The following EFCAB11 variants were observed in gnomAD, a reference collection of about 807,000 sequenced individuals.
EFCAB11 encodes the protein EF-hand calcium binding domain 11.
A neutral mutation model predicts 23.0 loss-of-function variants in EFCAB11; 14 were observed. The observed-to-expected ratio is 0.61, with a 90% CI of 0.40 to 0.95. The LOEUF (loss-of-function observed/expected upper bound fraction) is 0.95. Among genes scored for constraint, EFCAB11 ranks in the 40% least tolerant of loss-of-function variants. The probability of loss-of-function intolerance (pLI) is 0.00; values close to 1 mark genes in which losing one functional copy is unlikely to be tolerated. For missense variants in EFCAB11, 198 were observed against 195.8 expected (o/e 1.01, Z -0.07); for synonymous variants, 65 against 66.6 (o/e 0.98, Z 0.11).
At chr14:89,804,956 A>G (rs978192409) in intron 5 of EFCAB11, among the ~76,000 whole-genome samples, 1 of 152,182 alleles carries the variant, frequency 6.6e-6, no homozygotes, top group Non-Finnish European at 1.5e-5. Flanking sequence ...CAGAGTGAGG[A>G]CAAGGTATCC....
At chr14:89,919,738 G>A (rs1889965073) in intron 5 of EFCAB11, among the ~76,000 whole-genome samples, 1 of 152,174 alleles carries the variant, frequency 6.6e-6, no homozygotes, top group Non-Finnish European at 1.5e-5. Context: ...TACCAAAGGA[G>A]CCATCATCAG....
At chr14:89,893,486 G>A (rs1005158322) in intron 5 of EFCAB11, among the ~76,000 whole-genome samples, 16 of 152,012 alleles carry the variant, frequency 1.1e-4, no homozygotes, top group Non-Finnish European at 1.9e-4. Flanking sequence ...CTGAAGTGCC[G>A]CTGGATGATG....
At chr14:89,816,118 C>T (rs935451408) in intron 5 of EFCAB11, among the ~76,000 whole-genome samples, 2 of 151,944 alleles carry the variant, frequency 1.3e-5, no homozygotes, top group Non-Finnish European at 2.9e-5. Context: ...TACATTTCTT[C>T]CTAGGTATTT....
rs151037106 is a variant in EFCAB11, at chr14:89,898,988, A to T, written c.410+32553T>A. 4.4e-3 allele frequency among the ~76,000 whole-genome samples: 672 copies of T among 152,222 alleles called. 7 individuals are homozygous for T. Among genetic ancestry groups the T allele is most frequent in the Middle Eastern group, 0.031 (9 of 294 alleles). ...CATGCTTGGCCTGCAATTTTCTTTT[A>T]TAAGTATCATCATATGCAATTTAGT... On this transcript the variant is annotated intron_variant, in intron 5 of 5. Transcript: ENST00000316738.
At chr14:89,821,729 A>G (rs902348286) in intron 5 of EFCAB11, among the ~76,000 whole-genome samples, 7 of 152,154 alleles carry the variant, frequency 4.6e-5, no homozygotes, top group East Asian at 3.9e-4. Context: ...GGAAACTTGA[A>G]AACAGAGAAC....
In EFCAB11 at chr14:89,827,434, C is replaced by T. The variant is rs370503437; in HGVS notation, c.411-30110G>A. ...CACTCGCCTCTCCCTTCTCTGGCCG[C>T]CCGGTAGCCTCTGTATCTCCGGAGG... On this transcript the variant is annotated intron_variant, in intron 5 of 5. Transcript: ENST00000316738. 6.6e-5 allele frequency among the ~76,000 whole-genome samples: 10 copies of T among 152,212 alleles called. No individual in the cohort carries two copies. The South Asian group carries it at 2.1e-3, about 32-fold the overall frequency.
chr14:89,872,921 C>A (rs1402898210), intron 5 of EFCAB11, among the ~76,000 whole-genome samples: 1 of 152,012 alleles, frequency 6.6e-6, no homozygotes, highest in Non-Finnish European at 1.5e-5. Context: ...CATCTGCAAG[C>A]CAAAGAGAAA....
intron 5 of EFCAB11, among the ~76,000 whole-genome samples, chr14:89,815,071 G>A (rs545387762): frequency 6.6e-6 from 1 of 152,266 alleles, no homozygotes; most frequent in African/African-American, 2.4e-5. Flanking sequence ...ACTTTGGTGT[G>A]CAGTTAGCTT....
At chr14:89,934,246 C>G (rs1048016847) in intron 3 of EFCAB11, among the ~76,000 whole-genome samples, 8 of 152,022 alleles carry the variant, frequency 5.3e-5, no homozygotes, top group Admixed American at 2.6e-4. Context: ...AAAGAGAGAC[C>G]AGTTAGGAGC....
intron 5 of EFCAB11, among the ~76,000 whole-genome samples, chr14:89,874,186 G>T (rs547827341): frequency 6.6e-6 from 1 of 152,330 alleles, no homozygotes; most frequent in South Asian, 2.1e-4. Context: ...TCCAATGCTT[G>T]GGGCTTACAC....
intron 5 of EFCAB11, among the ~76,000 whole-genome samples, chr14:89,814,297 C>T (rs952055198): frequency 1.3e-5 from 2 of 152,186 alleles, no homozygotes; most frequent in Middle Eastern, 3.2e-3. Flanking sequence ...CAGCAACACA[C>T]GGTCTGGTCC....
intron 5 of EFCAB11, among the ~76,000 whole-genome samples, chr14:89,859,665 T>C (rs1887860129): frequency 6.6e-6 from 1 of 152,018 alleles, no homozygotes; most frequent in East Asian, 1.9e-4. Context: ...AGGTGCTAGG[T>C]GCCAGGGATG....
intron 5 of EFCAB11, among the ~76,000 whole-genome samples, chr14:89,882,540 CTT>C (rs1246212604): frequency 6.6e-6 from 1 of 152,020 alleles, no homozygotes; most frequent in Non-Finnish European, 1.5e-5. Context: ...CACTCTCTCT[CTT>C]TTTTTTCTCT....
At chr14:89,879,504 A>T (rs1316443216) in intron 5 of EFCAB11, among the ~76,000 whole-genome samples, 1 of 152,156 alleles carries the variant, frequency 6.6e-6, no homozygotes, top group Non-Finnish European at 1.5e-5. Context: ...CACAAAAAAA[A>T]ACATAAACAT....
At chr14:89,802,423 G>C (rs1885816856) in intron 5 of EFCAB11, among the ~76,000 whole-genome samples, 1 of 151,944 alleles carries the variant, frequency 6.6e-6, no homozygotes, top group Non-Finnish European at 1.5e-5. Flanking sequence ...ACAGAGTCTT[G>C]CTCTGTCACT....
intron 5 of EFCAB11, among the ~76,000 whole-genome samples, chr14:89,856,608 T>G (rs1416051223): frequency 6.6e-6 from 1 of 152,226 alleles, no homozygotes; most frequent in African/African-American, 2.4e-5. Flanking sequence ...ATCTTTTAAC[T>G]TTTTGATAAT....
chr14:89,932,468 T>C, intron 4 of EFCAB11, 58 bp downstream of exon 4: 3 of 1,322,488 alleles, frequency 2.3e-6, no homozygotes, highest in Non-Finnish European at 3.2e-6. Context: ...TATATAATCC[T>C]ATTTGCAATC....
chr14:89,928,087 A>T (rs1017495702), intron 5 of EFCAB11, among the ~76,000 whole-genome samples: 3 of 152,192 alleles, frequency 2.0e-5, no homozygotes, highest in Non-Finnish European at 2.9e-5. Flanking sequence ...TGAGAGTTTA[A>T]AAAGCCCATA....
intron 5 of EFCAB11, among the ~76,000 whole-genome samples, chr14:89,888,518 G>A (rs1317240375): frequency 6.6e-6 from 1 of 152,168 alleles, no homozygotes; most frequent in Non-Finnish European, 1.5e-5. Flanking sequence ...CAGGGGAAGT[G>A]CTACACACTT....
Sources: allele counts gnomAD v4.1 joint callset (sites outside exome capture counted in the v4.1 genomes callset), GRCh38; gene constraint gnomAD v4.1.1; transcripts MANE v1.5; gene names NCBI Gene and HGNC (gene_info 2026-07-23, HGNC 2026-07-21).